The following AUTS2 variants were observed in gnomAD, a reference collection of about 807,000 sequenced individuals.
The protein encoded by AUTS2 is activator of transcription and developmental regulator AUTS2.
In AUTS2, 17 loss-of-function variants were observed where a neutral mutation model predicts 112.4. The observed-to-expected ratio is 0.15, with a 90% CI of 0.10 to 0.23. AUTS2 has a LOEUF of 0.23. Ranked by LOEUF, AUTS2 falls within the 10% of genes least tolerant of loss-of-function variation. The probability of loss-of-function intolerance (pLI) is 1.00; values close to 1 mark genes in which losing one functional copy is unlikely to be tolerated. For synonymous variants in AUTS2, 751 were observed against 702.7 expected, an observed-to-expected ratio of 1.07 and a Z score of -1.09; for missense variants, 1,510 against 1,701.6, an observed-to-expected ratio of 0.89 and a Z score of 1.98.
At chr7:70,265,003 T>TA (rs1293544898) in intron 4 of AUTS2, among the ~76,000 whole-genome samples, 2 of 152,200 alleles carry the variant, frequency 1.3e-5, no homozygotes, top group African/African-American at 4.8e-5. Flanking sequence ...TACCAAACAT[T>TA]AGAGTTCAAG....
intron 2 of AUTS2, among the ~76,000 whole-genome samples, chr7:70,051,707 A>G (rs1801764451): frequency 6.6e-6 from 1 of 152,180 alleles, no homozygotes; most frequent in African/African-American, 2.4e-5. Context: ...CAACAAGAAC[A>G]AAACTCCATC....
chr7:70,329,730 T>C (rs1790657800), intron 4 of AUTS2, among the ~76,000 whole-genome samples: 2 of 151,690 alleles, frequency 1.3e-5, no homozygotes, highest in Admixed American at 1.3e-4. Context: ...ACTTTCTTGA[T>C]AATAAATGCC....
At chr7:69,962,534 T>TC (rs1373081844) in intron 2 of AUTS2, among the ~76,000 whole-genome samples, 3 of 152,296 alleles carry the variant, frequency 2.0e-5, no homozygotes, top group Non-Finnish European at 4.4e-5. Context: ...TTCAGCTCTA[T>TC]CTTTGTACTT....
At chr7:70,023,602 G>A (rs1482853806) in intron 2 of AUTS2, among the ~76,000 whole-genome samples, 1 of 152,206 alleles carries the variant, frequency 6.6e-6, no homozygotes, top group Non-Finnish European at 1.5e-5. Flanking sequence ...GGTGCCTGTA[G>A]TAAGGACTTA....
chr7:69,755,985 G>A (rs1162190845), intron 1 of AUTS2, among the ~76,000 whole-genome samples: 1 of 152,184 alleles, frequency 6.6e-6, no homozygotes, highest in African/African-American at 2.4e-5. Context: ...CTTGCAAACA[G>A]GGACGATACT....
intron 6 of AUTS2, among the ~76,000 whole-genome samples, chr7:70,713,753 G>A (rs1351572591): frequency 2.6e-5 from 4 of 152,166 alleles, no homozygotes; most frequent in Admixed American, 2.6e-4. Flanking sequence ...AAATTAGCCG[G>A]GCGTGGTGGC....
intron 4 of AUTS2, among the ~76,000 whole-genome samples, chr7:70,258,696 G>A (rs184535868): frequency 9.9e-5 from 15 of 152,056 alleles, no homozygotes; most frequent in Admixed American, 9.8e-4. Context: ...TGTTTTTTTG[G>A]CTCTAAGAAA....
intron 1 of AUTS2, among the ~76,000 whole-genome samples, chr7:69,784,777 G>A (rs2129317860): frequency 6.6e-6 from 1 of 152,318 alleles, no homozygotes; most frequent in South Asian, 2.1e-4. Flanking sequence ...GAAAGAGGAG[G>A]CATGTGGCTT....
At chr7:70,403,655 G>A (rs901506000) in intron 4 of AUTS2, among the ~76,000 whole-genome samples, 32 of 152,156 alleles carry the variant, frequency 2.1e-4, no homozygotes, top group African/African-American at 5.8e-4. Context: ...AATGGGTGAG[G>A]GATGGAGACA....
intron 2 of AUTS2, among the ~76,000 whole-genome samples, chr7:69,978,986 T>C (rs1424634207): frequency 2.0e-5 from 3 of 152,130 alleles, no homozygotes; most frequent in African/African-American, 7.2e-5. Flanking sequence ...AGTTTAAAGT[T>C]ATGTACTCTA....
intron 2 of AUTS2, among the ~76,000 whole-genome samples, chr7:69,950,507 A>T (rs545294344): frequency 6.6e-6 from 1 of 152,116 alleles, no homozygotes; most frequent in Non-Finnish European, 1.5e-5. Context: ...ATGTTGGGAG[A>T]CAGTGTGTTA....
intron 6 of AUTS2, among the ~76,000 whole-genome samples, chr7:70,734,376 C>A (rs933225304): frequency 6.6e-6 from 1 of 151,706 alleles, no homozygotes; most frequent in Non-Finnish European, 1.5e-5. Context: ...GGAAGTGGAG[C>A]TTGCAGTGAG....
chr7:70,181,130 A>G (rs888834319), intron 4 of AUTS2, among the ~76,000 whole-genome samples: 2 of 152,178 alleles, frequency 1.3e-5, no homozygotes, highest in South Asian at 4.1e-4. Flanking sequence ...TCAGGTTGCT[A>G]TGTTTTGCTC....
chr7:70,784,455 A>G (rs950616912), intron 15 of AUTS2: 2 of 152,704 alleles, frequency 1.3e-5, no homozygotes, highest in Non-Finnish European at 2.9e-5. Context: ...AGTGGATTCC[A>G]TGATGAAATG....
chr7:70,732,506 T>G (rs1033122057), intron 6 of AUTS2, among the ~76,000 whole-genome samples: 2 of 152,186 alleles, frequency 1.3e-5, no homozygotes, highest in Admixed American at 1.3e-4. Flanking sequence ...CTAGCAGTGC[T>G]ATTTGTCAAG....
chr7:70,455,364 A>G (rs1010977119), intron 5 of AUTS2, among the ~76,000 whole-genome samples: 3 of 152,128 alleles, frequency 2.0e-5, no homozygotes, highest in Non-Finnish European at 4.4e-5. Context: ...AATGGCAAGG[A>G]CTGAAGTGGG....
At chr7:69,994,075 G>C (rs1050519781) in intron 2 of AUTS2, among the ~76,000 whole-genome samples, 3 of 151,760 alleles carry the variant, frequency 2.0e-5, no homozygotes, top group Non-Finnish European at 2.9e-5. Context: ...TAAGAGATAT[G>C]TATTAATAAG....
chr7:70,489,193 T>A (rs1451571263), intron 5 of AUTS2, among the ~76,000 whole-genome samples: 1 of 152,158 alleles, frequency 6.6e-6, no homozygotes, highest in Non-Finnish European at 1.5e-5. Context: ...CAAAACATAG[T>A]ACAAATTAAA....
chr7:69,986,383 T>A (rs565233760), intron 2 of AUTS2, among the ~76,000 whole-genome samples: 40 of 152,372 alleles, frequency 2.6e-4, no homozygotes, highest in East Asian at 2.5e-3. Flanking sequence ...TAAGTTGAAT[T>A]CAGTCTCTGC....
Sources: gnomAD v4.1 joint callset for allele counts (sites outside exome capture counted in the v4.1 genomes callset) on GRCh38, gnomAD v4.1.1 for gene constraint, MANE v1.5 for transcripts, NCBI Gene and HGNC (gene_info 2026-07-23, HGNC 2026-07-21) for gene names.